The following OR10G3 variants were observed in gnomAD, a reference collection of about 807,000 sequenced individuals.
OR10G3 encodes olfactory receptor 10G3.
A neutral mutation model predicts 13.4 loss-of-function variants in OR10G3; 8 were observed. The ratio of observed to expected loss-of-function variants is 0.60; its 90% confidence interval spans 0.35 to 1.08. The LOEUF is 1.08. OR10G3 is among the 50% of genes least tolerant of loss of function. The pLI is 0.02. For missense variants in OR10G3, 393 were observed against 386.6 expected (o/e 1.02, Z -0.14); for synonymous variants, 142 against 156.1 (o/e 0.91, Z 0.67).
At position 21,570,117 on chromosome 14, in the gene OR10G3, T is replaced by A; in HGVS notation, c.628A>T (p.Ser210Cys). The change falls in exon 2 of 2, where the codon AGT becomes TGT. Residue 210 changes from serine to cysteine, a missense_variant. Physicochemically the swap from Ser to Cys is moderately radical, Grantham distance 112. Coordinates refer to ENST00000641040, the MANE Select transcript of OR10G3 (RefSeq NM_001005465.2). ...GAGAGGAGGATCAGGGAGAAGCAAC[T>A]GGCAACCACCACCCCAATGTCTACA... ...TFVDIGVVVA[S>C]CFSLILLSYI... is the part of the protein sequence containing the mutation. 6.2e-7 allele frequency: 1 copy of A among 1,614,210 alleles called. No homozygotes were observed. The highest frequency in any genetic ancestry group is 8.5e-7 in the Non-Finnish European group (1 of 1,180,042).
At chr14:21,575,699 A>G (rs987220998) in intron 1 of OR10G3, among the ~76,000 whole-genome samples, 1 of 152,148 alleles carries the variant, frequency 6.6e-6, no homozygotes, top group Non-Finnish European at 1.5e-5. Flanking sequence ...TACATTAAAC[A>G]CTTAGCTTTA....
intron 1 of OR10G3, among the ~76,000 whole-genome samples, chr14:21,572,669 C>T (rs1594490299): frequency 6.6e-6 from 1 of 150,394 alleles, no homozygotes; most frequent in African/African-American, 2.4e-5. Context: ...TTTAAAATTC[C>T]TTCTAGTCCT....
At chr14:21,576,259 A>C (rs953972474) in intron 1 of OR10G3, among the ~76,000 whole-genome samples, 2 of 152,208 alleles carry the variant, frequency 1.3e-5, no homozygotes, top group Admixed American at 6.5e-5. Flanking sequence ...ATAATTTATT[A>C]CTTTACAGTG....
At chr14:21,571,087 T>A (rs1893063825) in intron 1 of OR10G3, among the ~76,000 whole-genome samples, 1 of 152,218 alleles carries the variant, frequency 6.6e-6, no homozygotes, top group Non-Finnish European at 1.5e-5. Flanking sequence ...GGTTTTGTAC[T>A]TAGAGCACTT....
intron 1 of OR10G3, among the ~76,000 whole-genome samples, chr14:21,576,398 G>C (rs1365788666): frequency 6.6e-6 from 1 of 152,104 alleles, no homozygotes; most frequent in Non-Finnish European, 1.5e-5. Context: ...TCACAGCAAG[G>C]GGAATTTCAT....
At chr14:21,579,401 C>A (rs181729682) in intron 1 of OR10G3, among the ~76,000 whole-genome samples, 1 of 152,142 alleles carries the variant, frequency 6.6e-6, no homozygotes, top group African/African-American at 2.4e-5. Context: ...TGTACCACCA[C>A]CCCCAGCTAA....
intron 1 of OR10G3, among the ~76,000 whole-genome samples, chr14:21,572,425 C>T (rs1893081265): frequency 6.7e-6 from 1 of 149,440 alleles, no homozygotes; most frequent in Non-Finnish European, 1.5e-5. Context: ...GGTGAAACCC[C>T]ATCTCTACTA....
intron 1 of OR10G3, among the ~76,000 whole-genome samples, chr14:21,576,977 C>T (rs1004621477): frequency 3.3e-5 from 5 of 152,032 alleles, no homozygotes; most frequent in Non-Finnish European, 7.4e-5. Flanking sequence ...TAACTTTTTG[C>T]TCCTCAGTAA....
At chr14:21,574,907 C>A (rs965368520) in intron 1 of OR10G3, 2 of 152,076 alleles carry the variant, frequency 1.3e-5, no homozygotes, top group Admixed American at 1.3e-4. Flanking sequence ...GCCCTCCAGC[C>A]TGGGTGATAG....
rs1197597108 is a variant in OR10G3 at position 21,569,065 on chromosome 14, G to T, written c.*738C>A. The stretch of plus-strand genomic sequence containing the variant: ...ATATATATATTTATATATATATAAA[G>T]GGGAGTTTATTAAGTATTCACTCAC... On this transcript the variant is annotated 3_prime_UTR_variant, in exon 2 of 2. Coordinates refer to ENST00000641040, the MANE Select transcript of OR10G3 (RefSeq NM_001005465.2). 6.6e-6 allele frequency: 1 copy of T among 151,326 alleles called. No individual in the cohort carries two copies. Among genetic ancestry groups the T allele is most frequent in the Admixed American group, 6.6e-5 (1 of 15,156 alleles). 9.4% of individuals were successfully genotyped at this position (151,326 alleles called of 1,614,324 possible).
chr14:21,570,841 G>A (rs1487617084), intron 1 of OR10G3, 80 bp from the exon 2 acceptor site: 2 of 769,118 alleles, frequency 2.6e-6, no homozygotes, highest in African/African-American at 3.5e-5. Flanking sequence ...GTAAAAACTA[G>A]GGGCAGTGGC....
intron 1 of OR10G3, among the ~76,000 whole-genome samples, chr14:21,573,427 C>T (rs556252155): frequency 6.6e-6 from 1 of 152,154 alleles, no homozygotes; most frequent in South Asian, 2.1e-4. Flanking sequence ...AATCCCAGCA[C>T]TTTGGGAGGC....
chr14:21,570,452 C>A lies in OR10G3; in HGVS notation c.293G>T (p.Cys98Phe). Residue 98 changes from cysteine (C) to phenylalanine (F), a missense_variant, in exon 2 of 2, where the codon TGT becomes TTT. By Grantham distance (205) the Cys-to-Phe change is radical (BLOSUM62 -2). Coordinates refer to ENST00000641040, the MANE Select transcript of OR10G3 (RefSeq NM_001005465.2). ...GTGATAGAAATAGAGTTGAGCAACA[C>A]AGCCACCAAATGGGATGGGTTTGAC... ...LGVKPIPFGG[C>F]VAQLYFYHFL... is the part of the protein sequence containing the mutation. 6.2e-7 allele frequency: 1 copy of A among 1,614,156 alleles called. No individual in the cohort carries two copies. The highest frequency in any genetic ancestry group is 8.5e-7 in the Non-Finnish European group (1 of 1,180,032).
chr14:21,573,236 G>A (rs531417179), intron 1 of OR10G3, among the ~76,000 whole-genome samples: 14 of 152,192 alleles, frequency 9.2e-5, no homozygotes, highest in Admixed American at 7.9e-4. Flanking sequence ...AATAAGCCAG[G>A]CATGGAAAGA....
At position 21,570,667 on chromosome 14, in the gene OR10G3, G is replaced by A. The variant is rs61744486; in HGVS notation, c.78C>T (p.Leu26=). 1,044 of 1,610,692 alleles carry A rather than the reference G, an allele frequency of 6.5e-4. 16 individuals carry two copies. In the African/African-American group the frequency reaches 0.013, roughly 19 times the overall value. Residue 26 remains leucine, a synonymous_variant, in exon 2 of 2, where the codon CTC becomes CTT. Transcript: ENST00000641040. ...GIPYPLRLRT[L]FFVFFFLIYI... The stretch of plus-strand genomic sequence containing the variant: ...AGATTAGAAAAAAGAACACAAAAAA[G>A]AGTGTCCTTAGCCTGAGTGGATACG...
Position 21,570,573 on chromosome 14 carries a change from G to T in OR10G3, c.172C>A (p.Arg58Ser), listed in dbSNP as rs751394417. Residue 58 changes from arginine (R) to serine (S), a missense_variant, in exon 2 of 2, where the codon CGC becomes AGC. Transcript: ENST00000641040. ...TVWADPRLHA[R>S]PMYIFLGVLS... ...ACACCAAGAAAGATGTACATGGGGC[G>T]GGCATGGAGCCTTGGGTCTGCCCAG... 6.2e-7 allele frequency: 1 copy of T among 1,614,156 alleles called. No homozygotes were observed. The highest frequency in any genetic ancestry group is 8.5e-7 in the Non-Finnish European group (1 of 1,180,036).
chr14:21,571,709 C>G (rs1248622330), intron 1 of OR10G3, among the ~76,000 whole-genome samples: 1 of 151,604 alleles, frequency 6.6e-6, no homozygotes, highest in Non-Finnish European at 1.5e-5. Context: ...AGAGTTCTCT[C>G]TGTCACACAG....
intron 1 of OR10G3, among the ~76,000 whole-genome samples, chr14:21,574,357 T>C (rs2139713034): frequency 6.6e-6 from 1 of 151,426 alleles, no homozygotes; most frequent in South Asian, 2.1e-4. Context: ...TCTGGACTGA[T>C]TTCCATCCAC....
At chr14:21,572,608 C>CA (rs397852312) in intron 1 of OR10G3, among the ~76,000 whole-genome samples, 4,164 of 108,198 alleles carry the variant, frequency 0.038, 4 homozygotes, top group East Asian at 0.06. Context: ...AACAAACAAA[C>CA]AAAAAAAAAA....
Sources: gnomAD v4.1 joint callset for allele counts (sites outside exome capture counted in the v4.1 genomes callset) on GRCh38, gnomAD v4.1.1 for gene constraint, MANE v1.5 for transcripts, NCBI Gene and HGNC (gene_info 2026-07-23, HGNC 2026-07-21) for gene names.